Variants in ZBTB38 observed in about 807,000 individuals in gnomAD.
ZBTB38 encodes the protein zinc finger and BTB domain containing 38, also known as zinc finger and BTB domain-containing protein 38.
ZBTB38 carries 20 observed loss-of-function variants against 76.8 expected under a neutral mutation model. The ratio of observed to expected loss-of-function variants is 0.26; its 90% CI spans 0.18 to 0.38. The LOEUF is 0.38. Among genes scored for constraint, ZBTB38 ranks in the 10% least tolerant of loss-of-function variants. ZBTB38 has a pLI of 1.00. For synonymous variants in ZBTB38, 504 were observed against 544.2 expected (o/e 0.93, Z 1.03); for missense variants, 1,082 against 1,482.3 (o/e 0.73, Z 4.43).
chr3:141,349,092 C>T (rs765183019), intron 1 of ZBTB38, among the ~76,000 whole-genome samples: 1 of 152,126 alleles, frequency 6.6e-6, no homozygotes, highest in African/African-American at 2.4e-5. Flanking sequence ...AGCACTTAGC[C>T]TTTCACCCCA....
chr3:141,439,369 C>T (rs931113383), intron 5 of ZBTB38, among the ~76,000 whole-genome samples: 1 of 152,146 alleles, frequency 6.6e-6, no homozygotes, highest in African/African-American at 2.4e-5. Context: ...TAGATATCCC[C>T]GCTGAAAAAT....
Position 141,335,743 on chromosome 3 carries a change from C to T in ZBTB38, c.-739+11287C>T, listed in dbSNP as rs188702872. ...CATGACATGTTGGTCCCACCAGTTT[C>T]TATCAATCACATCCGCATGCTGTTT... On this transcript the variant is annotated intron_variant, in intron 1 of 7. Transcript: ENST00000509842. Among the ~76,000 whole-genome samples, 132 of 152,354 alleles carry T rather than the reference C, an allele frequency of 8.7e-4. 1 individual carries two copies.
intron 4 of ZBTB38, chr3:141,394,364 GC>G (rs1440466653): frequency 6.6e-6 from 1 of 152,188 alleles, no homozygotes; most frequent in Non-Finnish European, 1.5e-5. Flanking sequence ...TGCTGAGGAT[GC>G]CAGAGGGTCC....
intron 1 of ZBTB38, among the ~76,000 whole-genome samples, chr3:141,356,065 G>A (rs1943653704): frequency 6.6e-6 from 1 of 152,120 alleles, no homozygotes; most frequent in South Asian, 2.1e-4. Context: ...CTATAGGTGT[G>A]TGTTTGTGTG....
intron 5 of ZBTB38, among the ~76,000 whole-genome samples, chr3:141,430,897 G>C (rs148552538): frequency 6.6e-6 from 1 of 152,062 alleles, no homozygotes. Context: ...AGGAAATGAC[G>C]GTTGGCTTTT....
At chr3:141,435,471 A>G (rs1391126244) in intron 5 of ZBTB38, among the ~76,000 whole-genome samples, 3 of 152,092 alleles carry the variant, frequency 2.0e-5, no homozygotes, top group Non-Finnish European at 4.4e-5. Context: ...TTAAAAATAT[A>G]CTTTAGGCCG....
intron 1 of ZBTB38, among the ~76,000 whole-genome samples, chr3:141,332,393 C>G (rs973873053): frequency 3.3e-5 from 5 of 152,172 alleles, no homozygotes; most frequent in Non-Finnish European, 5.9e-5. Flanking sequence ...AAATTCTGCT[C>G]TAGTCCCACA....
chr3:141,364,203 G>C (rs1224818001), upstream of ZBTB38, among the ~76,000 whole-genome samples: 3 of 151,272 alleles, frequency 2.0e-5, no homozygotes, highest in African/African-American at 7.3e-5. Context: ...GAGGCAGGCA[G>C]ATCACCTGAG....
At chr3:141,357,527 G>GT (rs1459123945) in intron 1 of ZBTB38, among the ~76,000 whole-genome samples, 1 of 151,984 alleles carries the variant, frequency 6.6e-6, no homozygotes, top group East Asian at 1.9e-4. Context: ...TTGTTTGTTT[G>GT]TTCATTTGTT....
At position 141,333,472 on chromosome 3, in the gene ZBTB38, C is replaced by G. The variant is rs959721703; in HGVS notation, c.-739+9016C>G. Among the ~76,000 whole-genome samples the G allele has an allele frequency of 2.6e-5, 4 of 152,228 alleles. No individual in the cohort carries two copies. The East Asian group carries it at 7.8e-4, about 30-fold the overall frequency. ...CTGCTGCTATCTGGATGGCCAGCCACAGATGGCCTGCCACTCAGATCACAT... is the reference window on the plus strand; with the variant it reads ...CTGCTGCTATCTGGATGGCCAGCCAGAGATGGCCTGCCACTCAGATCACAT... On this transcript the variant is annotated intron_variant, in intron 1 of 7. Coordinates refer to the ZBTB38 transcript ENST00000509842.
At chr3:141,353,245 T>C (rs969743210) in intron 1 of ZBTB38, among the ~76,000 whole-genome samples, 6 of 152,032 alleles carry the variant, frequency 3.9e-5, no homozygotes, top group Non-Finnish European at 8.8e-5. Flanking sequence ...CCTCTTTCTT[T>C]CTCTCCAAAC....
chr3:141,409,237 G>GA (rs1955786789), intron 5 of ZBTB38, among the ~76,000 whole-genome samples: 1 of 152,038 alleles, frequency 6.6e-6, no homozygotes, highest in African/African-American at 2.4e-5. Flanking sequence ...GTAGAGATGG[G>GA]GTTTCACCAC....
At chr3:141,352,474 A>G (rs1321527479) in intron 1 of ZBTB38, among the ~76,000 whole-genome samples, 2 of 152,060 alleles carry the variant, frequency 1.3e-5, no homozygotes, top group East Asian at 3.8e-4. Flanking sequence ...GGTCAATGGG[A>G]GGGCTTCAAG....
chr3:141,389,593 T>A (rs1335612824), intron 4 of ZBTB38: 1 of 151,502 alleles, frequency 6.6e-6, no homozygotes, highest in Non-Finnish European at 1.5e-5. Context: ...ATATTGCCTA[T>A]TTTTTTTAGT....
intron 4 of ZBTB38, among the ~76,000 whole-genome samples, chr3:141,395,110 G>A (rs550164852): frequency 6.6e-6 from 1 of 152,138 alleles, no homozygotes; most frequent in African/African-American, 2.4e-5. Flanking sequence ...AGATCTACTT[G>A]GTTTTTATTA....
At chr3:141,378,623 G>A (rs563969568) in intron 2 of ZBTB38, among the ~76,000 whole-genome samples, 1 of 152,318 alleles carries the variant, frequency 6.6e-6, no homozygotes, top group African/African-American at 2.4e-5. Context: ...CCTTGAGGAG[G>A]GGGATTTATC....
At chr3:141,339,986 T>C (rs184843795) in intron 1 of ZBTB38, among the ~76,000 whole-genome samples, 1 of 152,318 alleles carries the variant, frequency 6.6e-6, no homozygotes, top group East Asian at 1.9e-4. Context: ...GTGCTTGGAG[T>C]ATACCAGCAA....
intron 1 of ZBTB38, among the ~76,000 whole-genome samples, chr3:141,354,558 C>T (rs1186390091): frequency 1.3e-5 from 2 of 152,064 alleles, no homozygotes; most frequent in Non-Finnish European, 2.9e-5. Context: ...TCCAGGGAGC[C>T]TTCCTGACTG....
At chr3:141,385,654 G>GTGTT (rs2149234852) in intron 3 of ZBTB38, among the ~76,000 whole-genome samples, 1 of 140,222 alleles carries the variant, frequency 7.1e-6, no homozygotes, top group East Asian at 2.0e-4. Flanking sequence ...CTTTGAGTGT[G>GTGTT]TGTGTGTGTG....
Sources: allele counts gnomAD v4.1 joint callset (sites outside exome capture counted in the v4.1 genomes callset), GRCh38; gene constraint gnomAD v4.1.1; transcripts MANE v1.5; gene names NCBI Gene and HGNC (gene_info 2026-07-23, HGNC 2026-07-21).